The following SUMF1 variants were observed in gnomAD, a reference collection of about 807,000 sequenced individuals.
The protein encoded by SUMF1 is sulfatase modifying factor 1, also known as formylglycine-generating enzyme.
Under a neutral mutation model 47.6 loss-of-function variants are expected in SUMF1, and 48 were observed. The observed-to-expected ratio is 1.01, with a 90% CI of 0.80 to 1.28. The LOEUF (loss-of-function observed/expected upper bound fraction) is 1.28. Among genes scored for constraint, SUMF1 ranks in the 50% most tolerant of loss-of-function variants. The probability of loss-of-function intolerance (pLI) is 0.00; values close to 1 mark genes in which losing one functional copy is unlikely to be tolerated. For missense variants in SUMF1, 571 were observed against 485.4 expected, an observed-to-expected ratio of 1.18 and a Z score of -1.66; for synonymous variants, 230 against 192.1, an observed-to-expected ratio of 1.20 and a Z score of -1.63.
At chr3:4,289,803 A>G (rs148057249) in intron 8 of SUMF1, among the ~76,000 whole-genome samples, 66 of 152,334 alleles carry the variant, frequency 4.3e-4, no homozygotes, top group Admixed American at 6.5e-4. Context: ...ACAATGGCCA[A>G]CACACAGTTG....
At chr3:4,146,525 CT>C (rs1694196938) in intron 8 of SUMF1, among the ~76,000 whole-genome samples, 1 of 151,856 alleles carries the variant, frequency 6.6e-6, no homozygotes, top group Admixed American at 6.6e-5. Flanking sequence ...CACCAAGACT[CT>C]TGGAATTTCT....
intron 8 of SUMF1, among the ~76,000 whole-genome samples, chr3:4,206,405 C>G (rs1695653614): frequency 6.6e-6 from 1 of 152,106 alleles, no homozygotes; most frequent in South Asian, 2.1e-4. Flanking sequence ...TTAGCTGGAC[C>G]ATTCCCCTCC....
intron 8 of SUMF1, among the ~76,000 whole-genome samples, chr3:4,260,317 C>A (rs1377534109): frequency 6.6e-6 from 1 of 152,076 alleles, no homozygotes; most frequent in Non-Finnish European, 1.5e-5. Context: ...CTAATTGATA[C>A]CAGGCAATAA....
intron 8 of SUMF1, among the ~76,000 whole-genome samples, chr3:4,253,697 C>A (rs1470256118): frequency 6.6e-6 from 1 of 150,518 alleles, no homozygotes; most frequent in Non-Finnish European, 1.5e-5. Flanking sequence ...GGGCGCCCGC[C>A]ATTGGCCAGG....
chr3:4,282,339 G>A (rs934905447), intron 8 of SUMF1, among the ~76,000 whole-genome samples: 2 of 152,160 alleles, frequency 1.3e-5, no homozygotes, highest in African/African-American at 4.8e-5. Flanking sequence ...ACAGTACTAA[G>A]AATTTTGAAT....
chr3:4,440,339 C>A (rs1346790184), intron 3 of SUMF1, among the ~76,000 whole-genome samples: 2 of 151,690 alleles, frequency 1.3e-5, no homozygotes, highest in Non-Finnish European at 2.9e-5. Context: ...CTGAAACTTG[C>A]CCTTCTGAAT....
Position 4,392,798 on chromosome 3 carries a change from C to T in SUMF1, c.955-16409G>A, listed in dbSNP as rs150847647. 1.5e-3 allele frequency among the ~76,000 whole-genome samples: 229 copies of T among 151,692 alleles called. 2 individuals are homozygous for T. Among genetic ancestry groups the T allele is most frequent in the African/African-American group, 5.3e-3 (221 of 41,378 alleles). On this transcript the variant is annotated intron_variant, in intron 7 of 8. Coordinates refer to ENST00000272902, the MANE Select transcript of SUMF1 (RefSeq NM_182760.4). ...GAATATAAACTGTAGAATCTCATTC[C>T]CCATGGTCTGTACCCACTGATGTCT...
chr3:4,115,699 T>C (rs1342710541), intron 8 of SUMF1, among the ~76,000 whole-genome samples: 1 of 152,218 alleles, frequency 6.6e-6, no homozygotes, highest in East Asian at 1.9e-4. Flanking sequence ...ATTTCCTTGC[T>C]AATTTTTCAT....
At chr3:4,354,577 T>A (rs1411575712) in intron 8 of SUMF1, among the ~76,000 whole-genome samples, 1 of 152,200 alleles carries the variant, frequency 6.6e-6, no homozygotes, top group Non-Finnish European at 1.5e-5. Flanking sequence ...GATCAGGTAT[T>A]TCCAAATTCA....
chr3:4,324,021 A>G (rs535472319), intron 8 of SUMF1, among the ~76,000 whole-genome samples: 43 of 152,152 alleles, frequency 2.8e-4, no homozygotes, highest in Non-Finnish European at 4.4e-4. Flanking sequence ...GGTTCTTTAT[A>G]TTACTGTATA....
chr3:4,203,028 G>A (rs1002414818), intron 8 of SUMF1, among the ~76,000 whole-genome samples: 2 of 151,864 alleles, frequency 1.3e-5, no homozygotes, highest in South Asian at 4.1e-4. Context: ...TCCATGTACT[G>A]AGGAGAAAAA....
intron 7 of SUMF1, among the ~76,000 whole-genome samples, chr3:4,397,774 T>A (rs562948669): frequency 6.6e-6 from 1 of 152,208 alleles, no homozygotes; most frequent in South Asian, 2.1e-4. Flanking sequence ...CCTTTCCACA[T>A]CCCTAAAAAG....
intron 1 of SUMF1, among the ~76,000 whole-genome samples, chr3:4,460,802 G>C (rs2079795677): frequency 6.6e-6 from 1 of 151,796 alleles, no homozygotes; most frequent in Non-Finnish European, 1.5e-5. Flanking sequence ...CACTACAGGT[G>C]AACACCAACA....
intron 9 of SUMF1, among the ~76,000 whole-genome samples, chr3:4,048,652 C>G (rs1432070073): frequency 1.3e-5 from 2 of 152,054 alleles, no homozygotes; most frequent in African/African-American, 4.8e-5. Context: ...GGCCCTAACT[C>G]CATGTACAAA....
At chr3:4,044,588 A>G (rs1451976824) in intron 9 of SUMF1, among the ~76,000 whole-genome samples, 1 of 152,238 alleles carries the variant, frequency 6.6e-6, no homozygotes, top group Non-Finnish European at 1.5e-5. Flanking sequence ...AGCTTTCTAT[A>G]ATTAAACCAA....
intron 8 of SUMF1, among the ~76,000 whole-genome samples, chr3:4,149,229 CAAATA>C (rs1421730543): frequency 1.3e-5 from 2 of 152,068 alleles, no homozygotes; most frequent in Non-Finnish European, 2.9e-5. Flanking sequence ...ATCTGGTGCT[CAAATA>C]AATTAACAGC....
At chr3:4,377,296 C>T (rs964040538) in intron 7 of SUMF1, among the ~76,000 whole-genome samples, 6 of 151,788 alleles carry the variant, frequency 4.0e-5, no homozygotes, top group Non-Finnish European at 7.4e-5. Context: ...CATGTAACCG[C>T]TACCACAATC....
At chr3:4,282,636 G>A (rs558372042) in intron 8 of SUMF1, among the ~76,000 whole-genome samples, 2 of 152,270 alleles carry the variant, frequency 1.3e-5, no homozygotes, top group African/African-American at 4.8e-5. Flanking sequence ...CGATACCAGC[G>A]CAAGAGTGGA....
chr3:4,365,853 A>T (rs1699934852), intron 8 of SUMF1, among the ~76,000 whole-genome samples: 1 of 152,030 alleles, frequency 6.6e-6, no homozygotes, highest in African/African-American at 2.4e-5. Context: ...AGTGGCTGGT[A>T]CCGGTTGTTC....
Sources: gnomAD v4.1 joint callset for allele counts (sites outside exome capture counted in the v4.1 genomes callset) on GRCh38, gnomAD v4.1.1 for gene constraint, MANE v1.5 for transcripts, NCBI Gene and HGNC (gene_info 2026-07-23, HGNC 2026-07-21) for gene names.